The following FAM204A variants were observed in gnomAD, a reference collection of about 807,000 sequenced individuals.
The protein encoded by FAM204A is family with sequence similarity 204 member A, also known as protein FAM204A.
In FAM204A, 16 loss-of-function variants were observed where a neutral mutation model predicts 35.4. The observed-to-expected ratio is 0.45, with a 90% confidence interval of 0.31 to 0.69. The LOEUF (loss-of-function observed/expected upper bound fraction) is 0.69, where lower values mean the gene tolerates loss of function less well. Ranked by LOEUF, FAM204A falls within the 30% of genes least tolerant of loss-of-function variation. The probability of loss-of-function intolerance (pLI) is 0.07; values close to 1 mark genes in which losing one functional copy is unlikely to be tolerated. For missense variants in FAM204A, 240 were observed against 265.7 expected (o/e 0.90, Z 0.67); for synonymous variants, 76 against 86.9 (o/e 0.88, Z 0.70).
rs916800735 is a variant in FAM204A at position 118,302,811 on chromosome 10, A to G, written c.*8046T>C. On this transcript the variant is annotated 3_prime_UTR_variant, in exon 9 of 9. Coordinates refer to ENST00000369183, the MANE Select transcript of FAM204A (RefSeq NM_022063.3). ...CTCCTTCCCTATGGTTTGTGATAAGACATGTGCAAGTTGCACTGACTTGCT... is the reference window on the plus strand; with the variant it reads ...CTCCTTCCCTATGGTTTGTGATAAGGCATGTGCAAGTTGCACTGACTTGCT... The G allele has an allele frequency of 6.6e-6, 1 of 152,244 alleles. No individual in the cohort carries two copies. Among genetic ancestry groups the G allele is most frequent in the Admixed American group, 6.5e-5 (1 of 15,280 alleles). 9.4% of individuals were successfully genotyped at this position (152,244 alleles called of 1,614,324 possible).
At chr10:118,320,557 TAC>T (rs375393782) in intron 7 of FAM204A, among the ~76,000 whole-genome samples, 10 of 150,734 alleles carry the variant, frequency 6.6e-5, no homozygotes, top group South Asian at 2.1e-4. Flanking sequence ...TTTATACACA[TAC>T]ACACACACAC....
At chr10:118,318,946 G>A (rs1846071469) in intron 7 of FAM204A, among the ~76,000 whole-genome samples, 3 of 150,998 alleles carry the variant, frequency 2.0e-5, no homozygotes. Context: ...TTTTCCCAGG[G>A]GGAGGGGACT....
intron 7 of FAM204A, among the ~76,000 whole-genome samples, chr10:118,312,870 G>A (rs569226317): frequency 5.3e-5 from 8 of 152,314 alleles, no homozygotes; most frequent in African/African-American, 1.9e-4. Flanking sequence ...GTAGAGCATT[G>A]AGTGAAACGG....
chr10:118,321,046 ATGGT>A (rs1846108344), intron 7 of FAM204A, among the ~76,000 whole-genome samples: 1 of 151,966 alleles, frequency 6.6e-6, no homozygotes, highest in Non-Finnish European at 1.5e-5. Context: ...TTCACTTATT[ATGGT>A]TGGAAAAGGC....
At position 118,304,883 on chromosome 10, in the gene FAM204A, T is replaced by A. The variant is rs1845845781; in HGVS notation, c.*5974A>T. Reference sequence around the variant, plus strand: ...TGTAAAGTTACTACATCGTATGTGATTGAGGCAATGTGGCAGATACTGCAA... The same window carrying A: ...TGTAAAGTTACTACATCGTATGTGAATGAGGCAATGTGGCAGATACTGCAA... On this transcript the variant is annotated 3_prime_UTR_variant, in exon 9 of 9. Transcript: ENST00000369183. 1 of 152,254 alleles carries A rather than the reference T, an allele frequency of 6.6e-6. No individual in the cohort carries two copies. The highest frequency in any genetic ancestry group is 1.5e-5 in the Non-Finnish European group (1 of 68,036). 9.4% of individuals were successfully genotyped at this position (152,254 alleles called of 1,614,324 possible).
intron 7 of FAM204A, 91 bp from the exon 8 acceptor site, chr10:118,311,404 G>T: frequency 1.0e-6 from 1 of 998,068 alleles, no homozygotes; most frequent in Non-Finnish European, 1.5e-6. Flanking sequence ...GAACTTGTGG[G>T]TAAGAAAGCC....
At chr10:118,329,309 C>A (rs1846251243) in intron 6 of FAM204A, among the ~76,000 whole-genome samples, 1 of 152,164 alleles carries the variant, frequency 6.6e-6, no homozygotes, top group East Asian at 1.9e-4. Flanking sequence ...CATTACCCAG[C>A]TTAAAGCATT....
rs1166211773 is a variant in FAM204A, at chr10:118,307,521, C to T, written c.*3336G>A. 1 of 152,214 alleles carries T rather than the reference C, an allele frequency of 6.6e-6. No individual in the cohort carries two copies. Among genetic ancestry groups the T allele is most frequent in the African/African-American group, 2.4e-5 (1 of 41,464 alleles). The allele number at this position is 152,214 out of a possible 1,614,324, so 9.4% of individuals were successfully genotyped here. A position where few individuals can be genotyped will look rare whatever the true frequency, so the allele number is the denominator to read the frequency against. On this transcript the variant is annotated 3_prime_UTR_variant, in exon 9 of 9. Coordinates refer to ENST00000369183, the MANE Select transcript of FAM204A (RefSeq NM_022063.3). ...TCACTAACTTCAAAATGAGATCTGA[C>T]ATAACATCGGCTTGCCTCCTCAAAC... is the stretch of plus-strand genomic sequence containing the variant.
chr10:118,317,470 A>G (rs746595159), intron 7 of FAM204A, among the ~76,000 whole-genome samples: 54 of 152,158 alleles, frequency 3.5e-4, no homozygotes, highest in Non-Finnish European at 6.2e-4. Flanking sequence ...CATAAGGAAC[A>G]CCATTTGAGG....
chr10:118,323,060 C>T (rs1589724194), intron 7 of FAM204A, among the ~76,000 whole-genome samples: 1 of 152,064 alleles, frequency 6.6e-6, no homozygotes, highest in East Asian at 1.9e-4. Context: ...TCTGAGGAAA[C>T]TGACTGACTT....
chr10:118,316,189 TA>T (rs1230392007), intron 7 of FAM204A, among the ~76,000 whole-genome samples: 2 of 152,176 alleles, frequency 1.3e-5, no homozygotes, highest in Non-Finnish European at 2.9e-5. Flanking sequence ...ACTGTGTTTT[TA>T]AAAAATAACT....
At position 118,330,327 on chromosome 10, in the gene FAM204A, T is replaced by C. The variant is rs185194754; in HGVS notation, c.454-4084A>G. On this transcript the variant is annotated intron_variant, in intron 6 of 8. Coordinates refer to ENST00000369183, the MANE Select transcript of FAM204A (RefSeq NM_022063.3). ...CGCAGGGAAGCAATCAAACTAGACC[T>C]GCTCCAACCATTCATCTCAACAACC... Among the ~76,000 whole-genome samples, 695 of 152,262 alleles carry C rather than the reference T, an allele frequency of 4.6e-3. 12 individuals are homozygous for C. The highest frequency in any genetic ancestry group is 3.4e-3 in the Non-Finnish European group (230 of 68,020).
rs372118713 is a variant in FAM204A, at chr10:118,336,258, T to G, written c.158A>C (p.Glu53Ala). 8 of 1,613,840 alleles carry G rather than the reference T, an allele frequency of 5.0e-6. No individual in the cohort carries two copies. Among genetic ancestry groups the G allele is most frequent in the Non-Finnish European group, 6.8e-6 (8 of 1,179,858 alleles). ...KTEIIDFSTD[E>A]PKTETESNVN... is the part of the protein sequence containing the mutation. ...ATTTGACTCTGTTTCAGTTTTTGGT[T>G]CATCTGTTGAGAAATCTATGATTTC... Residue 53 changes from glutamate (E) to alanine (A), a missense_variant, in exon 3 of 9, where the codon GAA becomes GCA. By Grantham distance (107) the Glu-to-Ala change is moderately radical. Around this residue, in one of 2 missense-constraint regions of FAM204A, gnomAD observed 232 missense variants for 242.8 expected, o/e 0.96. Coordinates refer to ENST00000369183, the MANE Select transcript of FAM204A (RefSeq NM_022063.3).
intron 8 of FAM204A, 33 bp from the exon 9 acceptor site, chr10:118,310,941 T>G: frequency 6.4e-7 from 1 of 1,554,232 alleles, no homozygotes; most frequent in Non-Finnish European, 8.7e-7. Context: ...CTCAATTTAT[T>G]TCTTAAAAAA....
At position 118,326,140 on chromosome 10, in the gene FAM204A, C is replaced by A; in HGVS notation, c.543+14G>T. ...ATTTGAAAATACAGAAAATGTGTAA[C>A]CCTTTTGACTCACCTCTCGAGTAGC... is the stretch of plus-strand genomic sequence containing the variant. On this transcript the variant is annotated intron_variant, in intron 7 of 8. Coordinates refer to ENST00000369183, the MANE Select transcript of FAM204A (RefSeq NM_022063.3). The A allele has an allele frequency of 1.2e-6, 2 of 1,602,260 alleles. No individual in the cohort carries two copies. The highest frequency in any genetic ancestry group is 1.1e-5 in the South Asian group (1 of 89,834).
chr10:118,320,068 G>A (rs925079904), intron 7 of FAM204A, among the ~76,000 whole-genome samples: 123 of 151,944 alleles, frequency 8.1e-4, no homozygotes, highest in African/African-American at 2.7e-3. Flanking sequence ...AGAAACTCAC[G>A]GTTCTGCTGC....
In FAM204A at chr10:118,299,591, G is replaced by A. The variant is rs1399960257; in HGVS notation, c.*11266C>T. ...AGTGATGAAGTCCTGCTGTTGCTCAGGCTAGTCTTGAACTCCTAGGCTCAA... is the reference window on the plus strand; with the variant it reads ...AGTGATGAAGTCCTGCTGTTGCTCAAGCTAGTCTTGAACTCCTAGGCTCAA... On this transcript the variant is annotated 3_prime_UTR_variant, in exon 9 of 9. Transcript: ENST00000369183. The A allele has an allele frequency of 6.6e-6, 1 of 151,850 alleles. No homozygotes were observed. The highest frequency in any genetic ancestry group is 2.4e-5 in the African/African-American group (1 of 41,262). 9.4% of individuals were successfully genotyped at this position (151,850 alleles called of 1,614,324 possible).
chr10:118,330,685 T>C (rs1041862570), intron 6 of FAM204A, among the ~76,000 whole-genome samples: 8 of 152,356 alleles, frequency 5.3e-5, no homozygotes, highest in East Asian at 1.9e-4. Flanking sequence ...CCTGGTTCCA[T>C]GTACACCCAA....
In FAM204A at chr10:118,335,490, A is replaced by C. The variant is rs368030820; in HGVS notation, c.322+64T>G. 1.7e-5 allele frequency: 27 copies of C among 1,597,786 alleles called. No homozygotes were observed. The African/African-American group carries it at 3.4e-4, about 20-fold the overall frequency. On this transcript the variant is annotated intron_variant, in intron 4 of 8. Transcript: ENST00000369183. ...TAATTTCAAAACCATATTTTAAAAA[A>C]ATGGTTAAACTCAGTCACAACTTAG...
Sources: gnomAD v4.1 joint callset for allele counts (sites outside exome capture counted in the v4.1 genomes callset) on GRCh38, gnomAD v4.1.1 for gene constraint, gnomAD v4.1.1 regional missense constraint, MANE v1.5 for transcripts, NCBI Gene and HGNC (gene_info 2026-07-23, HGNC 2026-07-21) for gene names.